Variants in CYP7B1 observed in about 807,000 individuals in gnomAD.
CYP7B1 encodes cytochrome P450 family 7 subfamily B member 1.
CYP7B1 carries 29 observed loss-of-function variants against 42.7 expected under a neutral mutation model. The observed-to-expected ratio is 0.68, with a 90% CI of 0.51 to 0.93. The LOEUF (loss-of-function observed/expected upper bound fraction) is 0.93, where lower values mean the gene tolerates loss of function less well. CYP7B1 is among the 40% of genes least tolerant of loss of function. The pLI, the probability that CYP7B1 is intolerant of heterozygous loss-of-function variation, is 0.00. For missense variants in CYP7B1, 655 were observed against 600.5 expected (o/e 1.09, Z -0.95); for synonymous variants, 235 against 218.2 (o/e 1.08, Z -0.68).
At chr8:64,712,654 A>G (rs1342571236) in intron 1 of CYP7B1, among the ~76,000 whole-genome samples, 1 of 151,396 alleles carries the variant, frequency 6.6e-6, no homozygotes, top group Non-Finnish European at 1.5e-5. Flanking sequence ...ATCATTATAT[A>G]TATGTATATA....
chr8:64,647,701 A>G (rs1252647236), intron 1 of CYP7B1, among the ~76,000 whole-genome samples: 1 of 152,118 alleles, frequency 6.6e-6, no homozygotes, highest in African/African-American at 2.4e-5. Context: ...GGCAGAGAAA[A>G]GAGGAAAATT....
chr8:64,749,767 T>C (rs1807700755), intron 1 of CYP7B1, among the ~76,000 whole-genome samples: 1 of 152,172 alleles, frequency 6.6e-6, no homozygotes, highest in African/African-American at 2.4e-5. Context: ...ACCTCCATAC[T>C]ATCCATATAT....
intron 1 of CYP7B1, among the ~76,000 whole-genome samples, chr8:64,783,905 T>C (rs529832854): frequency 1.3e-5 from 2 of 152,302 alleles, no homozygotes; most frequent in East Asian, 1.9e-4. Context: ...GACTGCAAAA[T>C]GGTACAGTTA....
chr8:64,633,943 A>G (rs1805733448), intron 1 of CYP7B1, among the ~76,000 whole-genome samples: 1 of 152,220 alleles, frequency 6.6e-6, no homozygotes, highest in African/African-American at 2.4e-5. Context: ...CTAGAAATTG[A>G]CCCACACAAA....
At chr8:64,621,869 G>A (rs1302250278) in intron 2 of CYP7B1, among the ~76,000 whole-genome samples, 2 of 151,406 alleles carry the variant, frequency 1.3e-5, no homozygotes, top group Admixed American at 1.3e-4. Flanking sequence ...CCAAGTAGCT[G>A]GGACTACAGG....
At chr8:64,798,322 A>G in intron 1 of CYP7B1, 144 bp downstream of exon 1, 1 of 1,235,130 alleles carries the variant, frequency 8.1e-7, no homozygotes, top group East Asian at 3.2e-5. Flanking sequence ...TGTTATTACA[A>G]AGTCCCAAAG....
intron 1 of CYP7B1, among the ~76,000 whole-genome samples, chr8:64,776,597 G>A (rs1804330571): frequency 6.6e-6 from 1 of 152,096 alleles, no homozygotes; most frequent in South Asian, 2.1e-4. Flanking sequence ...GAAATGAGGA[G>A]AGGCATTACT....
chr8:64,708,600 T>C (rs898402010), intron 1 of CYP7B1, among the ~76,000 whole-genome samples: 2 of 152,176 alleles, frequency 1.3e-5, no homozygotes, highest in Non-Finnish European at 2.9e-5. Flanking sequence ...CAGAAATAAT[T>C]CCATGTTTTC....
rs1325834982 is a variant in CYP7B1 at position 64,722,746 on chromosome 8, G to GC, written c.122+75719_122+75720insG. ...GGAGTAGAATGATTTTTTGCGGCGG[G>GC]GGGGGGGGGGCGGGAGGTTTTTTTT... On this transcript the variant is annotated intron_variant, in intron 1 of 5. Coordinates refer to ENST00000310193, the MANE Select transcript of CYP7B1 (RefSeq NM_004820.5). 3.4e-3 allele frequency among the ~76,000 whole-genome samples: 370 copies of GC among 108,246 alleles called. 27 individuals carry two copies. The highest frequency in any genetic ancestry group is 4.7e-3 in the Non-Finnish European group (244 of 52,368). 71.0% of individuals were successfully genotyped at this position (108,246 alleles called of 152,430 possible).
intron 1 of CYP7B1, among the ~76,000 whole-genome samples, chr8:64,713,212 C>G (rs1807106890): frequency 6.6e-6 from 1 of 152,022 alleles, no homozygotes; most frequent in Non-Finnish European, 1.5e-5. Context: ...ATGCAAATTT[C>G]CAATAAATCA....
At chr8:64,650,737 A>G (rs575881240) in intron 1 of CYP7B1, among the ~76,000 whole-genome samples, 1 of 152,374 alleles carries the variant, frequency 6.6e-6, no homozygotes, top group African/African-American at 2.4e-5. Context: ...AAAAGTTTAA[A>G]TTGTAATAAC....
At chr8:64,761,580 T>G (rs1481836293) in intron 1 of CYP7B1, among the ~76,000 whole-genome samples, 1 of 152,172 alleles carries the variant, frequency 6.6e-6, no homozygotes, top group African/African-American at 2.4e-5. Flanking sequence ...AGTACAGATT[T>G]GTCACTAGGA....
In CYP7B1 at chr8:64,629,605, A is replaced by G. The variant is rs142656576; in HGVS notation, c.123-5066T>C. On this transcript the variant is annotated intron_variant, in intron 1 of 5. Coordinates refer to ENST00000310193, the MANE Select transcript of CYP7B1 (RefSeq NM_004820.5). ...GATGATAATTCTGAATGTTTGAACGACTTTTTTTTTTTGAGCAAGGCACTT... is the reference window on the plus strand; with the variant it reads ...GATGATAATTCTGAATGTTTGAACGGCTTTTTTTTTTTGAGCAAGGCACTT... Among the ~76,000 whole-genome samples the G allele has an allele frequency of 3.1e-3, 466 of 150,688 alleles. 4 individuals are homozygous for G. Among genetic ancestry groups the G allele is most frequent in the African/African-American group, 9.2e-3 (380 of 41,172 alleles).
chr8:64,758,681 T>C (rs986738060), intron 1 of CYP7B1, among the ~76,000 whole-genome samples: 1 of 152,200 alleles, frequency 6.6e-6, no homozygotes, highest in African/African-American at 2.4e-5. Flanking sequence ...AGTAACTCAC[T>C]GCATAAACTG....
At chr8:64,673,932 A>G (rs547196221) in intron 1 of CYP7B1, among the ~76,000 whole-genome samples, 3 of 152,096 alleles carry the variant, frequency 2.0e-5, no homozygotes, top group Non-Finnish European at 4.4e-5. Flanking sequence ...AAATGATTAT[A>G]TCTGATATCC....
chr8:64,629,432 A>C (rs1805656941), intron 1 of CYP7B1, among the ~76,000 whole-genome samples: 1 of 152,188 alleles, frequency 6.6e-6, no homozygotes, highest in Non-Finnish European at 1.5e-5. Flanking sequence ...AAGTGCTTAA[A>C]GATGTAATAT....
chr8:64,748,855 C>G (rs1585892773), intron 1 of CYP7B1, among the ~76,000 whole-genome samples: 1 of 152,142 alleles, frequency 6.6e-6, no homozygotes, highest in Non-Finnish European at 1.5e-5. Flanking sequence ...GAGTGCTAGG[C>G]TCATCCATGT....
intron 1 of CYP7B1, among the ~76,000 whole-genome samples, chr8:64,673,420 G>C (rs1213304944): frequency 6.6e-6 from 1 of 152,074 alleles, no homozygotes; most frequent in East Asian, 1.9e-4. Flanking sequence ...CAAGATAATA[G>C]GTTTCAGCCT....
chr8:64,782,108 C>T (rs1045431193), intron 1 of CYP7B1, among the ~76,000 whole-genome samples: 1 of 152,096 alleles, frequency 6.6e-6, no homozygotes, highest in Admixed American at 6.5e-5. Context: ...GATCCATGTT[C>T]ATTTTAGCTT....
Sources: gnomAD v4.1 joint callset for allele counts (sites outside exome capture counted in the v4.1 genomes callset) on GRCh38, gnomAD v4.1.1 for gene constraint, MANE v1.5 for transcripts, NCBI Gene and HGNC (gene_info 2026-07-23, HGNC 2026-07-21) for gene names.